Variants in TNPO2 observed in about 807,000 individuals in gnomAD.
The protein encoded by TNPO2 is transportin 2, also known as transportin-2.
Under a neutral mutation model 111.1 loss-of-function variants are expected in TNPO2, and 16 were observed. The observed-to-expected ratio is 0.14, with a 90% CI of 0.10 to 0.22. The LOEUF (loss-of-function observed/expected upper bound fraction) is 0.22. TNPO2 is among the 10% of genes least tolerant of loss of function. The probability of loss-of-function intolerance (pLI) is 1.00; values close to 1 mark genes in which losing one functional copy is unlikely to be tolerated. For synonymous variants in TNPO2, 481 were observed against 475.8 expected, an observed-to-expected ratio of 1.01 and a Z score of -0.14; for missense variants, 530 against 1,173.7, an observed-to-expected ratio of 0.45 and a Z score of 8.01.
chr19:12,714,423 C>T (rs986418952), intron 10 of TNPO2, among the ~76,000 whole-genome samples: 1 of 151,774 alleles, frequency 6.6e-6, no homozygotes, highest in African/African-American at 2.4e-5. Context: ...AGCAATTCTC[C>T]TGCCTCACCC....
intron 10 of TNPO2, among the ~76,000 whole-genome samples, chr19:12,713,524 C>T (rs1363953073): frequency 6.6e-6 from 1 of 150,860 alleles, no homozygotes; most frequent in Non-Finnish European, 1.5e-5. Context: ...AATAAACATA[C>T]AATATGCTGG....
chr19:12,702,982 C>G lies in TNPO2; in HGVS notation c.2210-64G>C. The G allele has an allele frequency of 6.9e-7, 1 of 1,449,502 alleles. No homozygotes were observed. 89.8% of individuals were successfully genotyped at this position (1,449,502 alleles called of 1,614,324 possible). A position where few individuals can be genotyped will look rare whatever the true frequency, so the allele number is the denominator to read the frequency against. ...CCACCCACAGGGGCCAGGGGGCCGC[C>G]CCACCTCACTCACTACTCGCCCCAG... On this transcript the variant is annotated intron_variant, in intron 20 of 25. Coordinates refer to ENST00000425528, the MANE Select transcript of TNPO2 (RefSeq NM_001382241.1). The surrounding 1 kb of genome is among the most constrained non-coding windows in gnomAD (Gnocchi z 5.5).
chr19:12,703,141 C>G (rs2025421693), intron 20 of TNPO2: 1 of 588,564 alleles, frequency 1.7e-6, no homozygotes, highest in African/African-American at 1.9e-5. Flanking sequence ...TCTGGAGTCG[C>G]TAAGGTGACA....
In TNPO2 at chr19:12,713,407, A is replaced by G. The variant is rs142926468; in HGVS notation, c.890+1414T>C. ...GTCATTATAGCACTTTGGGAGACCA[A>G]TGCAGGAGGATTGCCTGAGCCCATA... is the stretch of plus-strand genomic sequence containing the variant. On this transcript the variant is annotated intron_variant, in intron 10 of 25. Coordinates refer to ENST00000425528, the MANE Select transcript of TNPO2 (RefSeq NM_001382241.1). Among the ~76,000 whole-genome samples the G allele has an allele frequency of 4.6e-5, 7 of 152,246 alleles. No individual in the cohort carries two copies. The South Asian group carries it at 1.0e-3, about 23-fold the overall frequency.
chr19:12,710,714 G>A lies in TNPO2; in HGVS notation c.1177C>T (p.Pro393Ser), dbSNP rs1339257322. The change falls in exon 13 of 26, where the codon CCC (proline) becomes TCC (serine). Residue 393 changes from proline (P) to serine (S), a missense_variant. By Grantham distance (74) the Pro-to-Ser change is moderately conservative (BLOSUM62 -1). Coordinates refer to ENST00000425528, the MANE Select transcript of TNPO2 (RefSeq NM_001382241.1). Reference protein sequence around the residue: ...LANVFREELLPHLLPLLKGLL... With the variant: ...LANVFREELLSHLLPLLKGLL... The stretch of plus-strand genomic sequence containing the variant: ...CCTTTGAGTAGTGGGAGTAGGTGGG[G>A]CAGCAGTTCCTCCCGGAAGACATTG... 6.2e-6 allele frequency: 10 copies of A among 1,613,556 alleles called. No homozygotes were observed. Among genetic ancestry groups the A allele is most frequent in the Non-Finnish European group, 7.6e-6 (9 of 1,179,748 alleles).
chr19:12,705,132 C>T lies in TNPO2; in HGVS notation c.2022+108G>A. 1 of 1,175,626 alleles carries T rather than the reference C, an allele frequency of 8.5e-7. No individual in the cohort carries two copies. The highest frequency in any genetic ancestry group is 1.2e-6 in the Non-Finnish European group (1 of 831,456). The allele number at this position is 1,175,626 out of a possible 1,614,324, so 72.8% of individuals were successfully genotyped here. A position where few individuals can be genotyped will look rare whatever the true frequency, so the allele number is the denominator to read the frequency against. On this transcript the variant is annotated intron_variant, in intron 18 of 25. Transcript: ENST00000425528. The surrounding 1 kb of genome is among the most constrained non-coding windows in gnomAD (Gnocchi z 7.2). ...GGATTACTCTTTAAAATAATTAGAACAGCACCTTTTCCCTGATTTCCTTTG... is the reference window on the plus strand; with the variant it reads ...GGATTACTCTTTAAAATAATTAGAATAGCACCTTTTCCCTGATTTCCTTTG...
At position 12,702,268 on chromosome 19, in the gene TNPO2, A is replaced by G; in HGVS notation, c.2306-91T>C. 9.0e-7 allele frequency: 1 copy of G among 1,115,844 alleles called. No homozygotes were observed. Among genetic ancestry groups the G allele is most frequent in the Non-Finnish European group, 1.3e-6 (1 of 761,364 alleles). 69.1% of individuals were successfully genotyped at this position (1,115,844 alleles called of 1,614,324 possible). On this transcript the variant is annotated intron_variant, in intron 21 of 25. Coordinates refer to ENST00000425528, the MANE Select transcript of TNPO2 (RefSeq NM_001382241.1). This position sits in a 1 kb window ranked among gnomAD's most constrained non-coding sequence, Gnocchi z 5.5. ...CCCCATGAGCCCCAAGGGAATGGCT[A>G]CTGCAGCCACCCTGGTCCCCCAAGC...
chr19:12,723,499 T>C (rs963787311), intron 1 of TNPO2, 134 bp from the exon 2 acceptor site: 2 of 152,168 alleles, frequency 1.3e-5, no homozygotes, highest in African/African-American at 4.8e-5. Context: ...CAAATGGGTA[T>C]AAGAGCAGTT....
chr19:12,721,172 G>A lies in TNPO2; in HGVS notation c.-13-182C>T. 1 of 1,398,866 alleles carries A rather than the reference G, an allele frequency of 7.1e-7. No individual in the cohort carries two copies. The highest frequency in any genetic ancestry group is 9.2e-7 in the Non-Finnish European group (1 of 1,084,322). The allele number at this position is 1,398,866 out of a possible 1,614,324, so 86.7% of individuals were successfully genotyped here. ...CGCCAGCTGCGCCATCCTCGGCCGC[G>A]CAGTCGCGGGCTCGGGAGCGCGGGA... On this transcript the variant is annotated intron_variant, in intron 2 of 25. Coordinates refer to ENST00000425528, the MANE Select transcript of TNPO2 (RefSeq NM_001382241.1). This position sits in a 1 kb window ranked among gnomAD's most constrained non-coding sequence, Gnocchi z 4.9.
chr19:12,708,760 A>T (rs2025855644), intron 13 of TNPO2, among the ~76,000 whole-genome samples: 1 of 151,992 alleles, frequency 6.6e-6, no homozygotes, highest in Non-Finnish European at 1.5e-5. Context: ...AATTCCAACT[A>T]CTTGGGAGGC....
chr19:12,719,117 C>A lies in TNPO2; in HGVS notation c.237G>T (p.Gln79His), dbSNP rs927498421. The stretch of plus-strand genomic sequence containing the variant: ...AGTCTGCCACAGGGGGTGGGAAGCT[C>A]TGATAGTGTGCCTTCACGTTGTTCT... ...ILKNNVKAHY[Q>H]SFPPPVADFI... The change falls in exon 5 of 26, where the codon CAG becomes CAT. Residue 79 changes from glutamine to histidine, a missense_variant. Gln to His is a conservative substitution (Grantham distance 24). Around this residue, in one of 4 missense-constraint regions of TNPO2, gnomAD observed 156 missense variants for 405.8 expected, o/e 0.38. Coordinates refer to ENST00000425528, the MANE Select transcript of TNPO2 (RefSeq NM_001382241.1). This position sits in a 1 kb window ranked among gnomAD's most constrained non-coding sequence, Gnocchi z 5.0. 1.2e-6 allele frequency: 2 copies of A among 1,613,866 alleles called. No individual in the cohort carries two copies. Among genetic ancestry groups the A allele is most frequent in the Non-Finnish European group, 1.7e-6 (2 of 1,179,906 alleles).
At chr19:12,709,448 G>A (rs1349056953) in intron 13 of TNPO2, among the ~76,000 whole-genome samples, 1 of 152,096 alleles carries the variant, frequency 6.6e-6, no homozygotes, top group African/African-American at 2.4e-5. Flanking sequence ...CATGAGATAT[G>A]AGATACATTA....
chr19:12,706,575 G>A lies in TNPO2; in HGVS notation c.1491C>T (p.Ala497=). 6.2e-7 allele frequency: 1 copy of A among 1,614,044 alleles called. No individual in the cohort carries two copies. Among genetic ancestry groups the A allele is most frequent in the South Asian group, 1.1e-5 (1 of 91,084 alleles). Residue 497 remains alanine (A), a synonymous_variant, in exon 14 of 26, where the codon GCC becomes GCT. Transcript: ENST00000425528. This position sits in a 1 kb window ranked among gnomAD's most constrained non-coding sequence, Gnocchi z 7.0. ...LDGNKRVQEA[A]CSAFATLEEE... ...GATCAGGGGTCCAGGGTCACCTGCA[G>A]GCCGCCTCCTGTACCCTCTTGTTGC...
chr19:12,719,975 A>G lies in TNPO2; in HGVS notation c.100-639T>C. Among the ~76,000 whole-genome samples, 1 of 149,480 alleles carries G rather than the reference A, an allele frequency of 6.7e-6. No homozygotes were observed. Among genetic ancestry groups the G allele is most frequent in the African/African-American group, 2.5e-5 (1 of 40,322 alleles). ...AAGACTTTTTTTTTTTTTTTAAAAGAGGGAATCCAAATTTTGGGGTGAGTC... is the reference window on the plus strand; with the variant it reads ...AAGACTTTTTTTTTTTTTTTAAAAGGGGGAATCCAAATTTTGGGGTGAGTC... On this transcript the variant is annotated intron_variant, in intron 3 of 25. Coordinates refer to ENST00000425528, the MANE Select transcript of TNPO2 (RefSeq NM_001382241.1). The surrounding 1 kb of genome is among the most constrained non-coding windows in gnomAD (Gnocchi z 5.0).
At chr19:12,711,865 G>T (rs2026067071) in intron 10 of TNPO2, among the ~76,000 whole-genome samples, 2 of 147,300 alleles carry the variant, frequency 1.4e-5, no homozygotes, top group Non-Finnish European at 1.5e-5. Context: ...TCCAGAGAAA[G>T]GTTTTTTTTT....
chr19:12,701,528 C>A lies in TNPO2; in HGVS notation c.2586+70G>T. On this transcript the variant is annotated intron_variant, in intron 24 of 25. Transcript: ENST00000425528. This position sits in a 1 kb window ranked among gnomAD's most constrained non-coding sequence, Gnocchi z 5.0. The stretch of plus-strand genomic sequence containing the variant: ...TGCGCCTCTTCCCCCATCCCCAGGC[C>A]CCATTGTTACCAGATGGTCTCACCC... 6.2e-7 allele frequency: 1 copy of A among 1,600,424 alleles called. No homozygotes were observed. Among genetic ancestry groups the A allele is most frequent in the Non-Finnish European group, 8.6e-7 (1 of 1,167,992 alleles).
chr19:12,710,669 A>G lies in TNPO2; in HGVS notation c.1222T>C (p.Trp408Arg). The G allele has an allele frequency of 1.2e-6, 2 of 1,613,308 alleles. No homozygotes were observed. The highest frequency in any genetic ancestry group is 1.7e-6 in the Non-Finnish European group (2 of 1,179,686). ...AGGATGCCCGACTCCTTGACCACCC[A>G]CTCGGGGTGGAAGAGGAGGCCTTTG... ...LLKGLLFHPE[W>R]VVKESGILVL... The change falls in exon 13 of 26, where the codon TGG becomes CGG. Residue 408 changes from tryptophan (W) to arginine (R), a missense_variant. Around this residue, in one of 4 missense-constraint regions of TNPO2, gnomAD observed 88 missense variants for 130.2 expected, o/e 0.68. Coordinates refer to ENST00000425528, the MANE Select transcript of TNPO2 (RefSeq NM_001382241.1).
chr19:12,700,064 A>C lies in TNPO2; in HGVS notation c.*1200T>G, dbSNP rs1400115336. On this transcript the variant is annotated 3_prime_UTR_variant, in exon 26 of 26. Transcript: ENST00000425528. The stretch of plus-strand genomic sequence containing the variant: ...CAGACTATTCCGGAAGGTTCTCTAG[A>C]ATTGCTGACCCAGTCTAGTAGGATC... 1 of 152,120 alleles carries C rather than the reference A, an allele frequency of 6.6e-6. No homozygotes were observed. Among genetic ancestry groups the C allele is most frequent in the Non-Finnish European group, 1.5e-5 (1 of 68,050 alleles). The allele number at this position is 152,120 out of a possible 1,614,324, so 9.4% of individuals were successfully genotyped here.
Position 12,706,101 on chromosome 19 carries a change from G to A in TNPO2, c.1668+95C>T. 7.0e-7 allele frequency: 1 copy of A among 1,429,986 alleles called. No individual in the cohort carries two copies. The highest frequency in any genetic ancestry group is 9.4e-7 in the Non-Finnish European group (1 of 1,058,688). The allele number at this position is 1,429,986 out of a possible 1,614,324, so 88.6% of individuals were successfully genotyped here. On this transcript the variant is annotated intron_variant, in intron 15 of 25. Transcript: ENST00000425528. The surrounding 1 kb of genome is among the most constrained non-coding windows in gnomAD (Gnocchi z 7.0). ...TGTCTGTCTGCCTGTCGAGGTCACG[G>A]CCACGTCCCTGGCGTGCAACACGGG...
Sources: gnomAD v4.1 joint callset for allele counts (sites outside exome capture counted in the v4.1 genomes callset) on GRCh38, gnomAD v4.1.1 for gene constraint, gnomAD v4.1.1 regional missense constraint, Gnocchi (gnomAD v3.1) non-coding constraint, MANE v1.5 for transcripts, NCBI Gene and HGNC (gene_info 2026-07-23, HGNC 2026-07-21) for gene names.